The following CCDC57 variants were observed in gnomAD, a reference collection of about 807,000 sequenced individuals.
CCDC57 encodes coiled-coil domain-containing protein 57.
A neutral mutation model predicts 118.9 loss-of-function variants in CCDC57; 118 were observed. The ratio of observed to expected loss-of-function variants is 0.99; its 90% CI spans 0.86 to 1.16. The LOEUF (loss-of-function observed/expected upper bound fraction) is 1.16, where lower values mean the gene tolerates loss of function less well. Ranked by LOEUF, CCDC57 falls within the 50% of genes most tolerant of loss-of-function variation. The pLI, the probability that CCDC57 is intolerant of heterozygous loss-of-function variation, is 0.00. For synonymous variants in CCDC57, 527 were observed against 532.9 expected, an observed-to-expected ratio of 0.99 and a Z score of 0.15; for missense variants, 1,300 against 1,320.7, an observed-to-expected ratio of 0.98 and a Z score of 0.24.
intron 1 of CCDC57, among the ~76,000 whole-genome samples, chr17:82,209,621 T>A (rs1203991435): frequency 6.6e-6 from 1 of 151,888 alleles, no homozygotes; most frequent in East Asian, 1.9e-4. Context: ...TAGCTGGGAC[T>A]CAGACACACG....
chr17:82,161,636 G>T (rs745889491), intron 14 of CCDC57, among the ~76,000 whole-genome samples: 1 of 152,128 alleles, frequency 6.6e-6, no homozygotes, highest in African/African-American at 2.4e-5. Context: ...GAAAGAAGCC[G>T]GGCACAAAAG....
intron 16 of CCDC57, among the ~76,000 whole-genome samples, chr17:82,149,946 C>G (rs71370219): frequency 0.96 from 123,363 of 128,412 alleles, 59,159 homozygotes; most frequent in Admixed American, 0.97. Flanking sequence ...GGCGCACATC[C>G]AGAACCAGGT....
At chr17:82,180,724 C>G (rs1258685036) in intron 9 of CCDC57, among the ~76,000 whole-genome samples, 2 of 152,230 alleles carry the variant, frequency 1.3e-5, no homozygotes, top group Non-Finnish European at 2.9e-5. Flanking sequence ...ATCCGCCCGC[C>G]TCGGCCTCCC....
intron 19 of CCDC57, chr17:82,126,916 T>C (rs2145221416): frequency 4.1e-6 from 4 of 985,334 alleles, no homozygotes; most frequent in Middle Eastern, 5.2e-4. Context: ...ACGCCCTCCA[T>C]GCAGGCACAC....
At chr17:82,116,773 A>G (rs1195067673) in intron 19 of CCDC57, among the ~76,000 whole-genome samples, 1 of 152,192 alleles carries the variant, frequency 6.6e-6, no homozygotes, top group African/African-American at 2.4e-5. Context: ...TAGGCACTCA[A>G]CAAATACTCG....
intron 19 of CCDC57, among the ~76,000 whole-genome samples, chr17:82,110,939 C>T (rs984174184): frequency 2.7e-5 from 4 of 149,188 alleles, no homozygotes; most frequent in African/African-American, 7.4e-5. Flanking sequence ...GCAGGAGAAT[C>T]GCTTGAACCC....
Position 82,173,464 on chromosome 17 carries a change from C to T in CCDC57, c.1507-604G>A, listed in dbSNP as rs550310393. ...AAAAAATGAGCAGAGCTCTGGAGAC[C>T]ATGAACAAGGTGCACAAGGAACCAG... On this transcript the variant is annotated intron_variant, in intron 11 of 19. Coordinates refer to ENST00000665763, the Ensembl canonical transcript of CCDC57. 2.0e-5 allele frequency among the ~76,000 whole-genome samples: 3 copies of T among 152,180 alleles called. No homozygotes were observed. In the South Asian group the frequency reaches 6.2e-4, roughly 32 times the overall value.
intron 3 of CCDC57, among the ~76,000 whole-genome samples, chr17:82,200,011 C>T (rs538304114): frequency 4.0e-4 from 61 of 152,330 alleles, no homozygotes; most frequent in Non-Finnish European, 7.5e-4. Context: ...GGACTGCAGA[C>T]GCGATCCCTG....
chr17:82,112,726 C>T (rs1480258281), intron 19 of CCDC57: 1 of 152,530 alleles, frequency 6.6e-6, no homozygotes, highest in African/African-American at 2.4e-5. Flanking sequence ...CAGAAACGGC[C>T]TTCAGGCAGA....
chr17:82,212,396 TC>T lies in CCDC57; in HGVS notation c.-211+388del, dbSNP rs1231360469. On this transcript the variant is annotated intron_variant, in intron 1 of 19. Coordinates refer to ENST00000665763, the Ensembl canonical transcript of CCDC57. This position sits in a 1 kb window ranked among gnomAD's most constrained non-coding sequence, Gnocchi z 4.1. The stretch of plus-strand genomic sequence containing the variant: ...CCGCCTCCGGCCTTTTTTTTTCCTC[TC>T]TTTTTTTTTTTTTTTTTTTAAACTC... Among the ~76,000 whole-genome samples, 2,857 of 134,374 alleles carry T rather than the reference TC, an allele frequency of 0.021. 149 individuals are homozygous for T. The highest frequency in any genetic ancestry group is 0.075 in the African/African-American group (2,630 of 35,112). The allele number at this position is 134,374 out of a possible 152,430, so 88.2% of individuals were successfully genotyped here.
chr17:82,157,780 G>T, exon 15 of CCDC57: 1 of 1,604,838 alleles, frequency 6.2e-7, no homozygotes. Flanking sequence ...TCCGAGGCTG[G>T]GGGCTGCTTC....
chr17:82,117,591 G>A (rs1001914228), intron 19 of CCDC57, among the ~76,000 whole-genome samples: 3 of 152,118 alleles, frequency 2.0e-5, no homozygotes, highest in African/African-American at 7.2e-5. Context: ...GGAGGTTGAG[G>A]CTTTAGTGAG....
chr17:82,137,820 C>T (rs2039434636), intron 16 of CCDC57, among the ~76,000 whole-genome samples: 1 of 151,300 alleles, frequency 6.6e-6, no homozygotes, highest in Admixed American at 6.6e-5. Context: ...ATTACAGGCA[C>T]CCGCCACCAT....
At chr17:82,130,308 C>G (rs1363541484) in intron 17 of CCDC57, among the ~76,000 whole-genome samples, 1 of 151,774 alleles carries the variant, frequency 6.6e-6, no homozygotes, top group East Asian at 2.0e-4. Flanking sequence ...ATTCTCCTGC[C>G]TCAGCCTTCC....
Position 82,193,745 on chromosome 17 carries a change from G to C in CCDC57, c.851+11C>G, listed in dbSNP as rs765586871. Reference sequence around the variant, plus strand: ...GACATGCTGCATGATGTTGGGAGCCGAAACACTCACTTCCTCTTAAATGTT... The same window carrying C: ...GACATGCTGCATGATGTTGGGAGCCCAAACACTCACTTCCTCTTAAATGTT... On this transcript the variant is annotated intron_variant, in intron 7 of 19. Coordinates refer to ENST00000665763, the Ensembl canonical transcript of CCDC57. The C allele has an allele frequency of 6.3e-7, 1 of 1,586,380 alleles. No homozygotes were observed. Among genetic ancestry groups the C allele is most frequent in the Admixed American group, 1.8e-5 (1 of 55,390 alleles).
At chr17:82,174,219 G>A (rs935080407) in intron 11 of CCDC57, among the ~76,000 whole-genome samples, 2 of 152,216 alleles carry the variant, frequency 1.3e-5, no homozygotes, top group Non-Finnish European at 2.9e-5. Context: ...CTGACTGCCC[G>A]CTGGCTCCTC....
chr17:82,104,782 A>G (rs8082456), intron 19 of CCDC57: 35,593 of 151,894 alleles, frequency 0.23, 4,424 homozygotes, highest in African/African-American at 0.32. Flanking sequence ...CTCGTGATCC[A>G]CCCACCTCGG....
intron 4 of CCDC57, among the ~76,000 whole-genome samples, chr17:82,195,752 G>A (rs546494413): frequency 7.3e-4 from 111 of 152,212 alleles, no homozygotes; most frequent in African/African-American, 2.2e-3. Context: ...TGACAAGCAC[G>A]TAAGACCCTA....
exon 3 of CCDC57, chr17:82,201,933 C>G: frequency 6.3e-7 from 1 of 1,593,734 alleles, no homozygotes; most frequent in Non-Finnish European, 8.6e-7. Context: ...GCTCTGAGCC[C>G]AGTGGCAGCA....
Sources: gnomAD v4.1 joint callset for allele counts (sites outside exome capture counted in the v4.1 genomes callset) on GRCh38, gnomAD v4.1.1 for gene constraint, Gnocchi (gnomAD v3.1) non-coding constraint, MANE v1.5 for transcripts, NCBI Gene and HGNC (gene_info 2026-07-23, HGNC 2026-07-21) for gene names.